Variants in CADM2 observed in about 807,000 individuals in gnomAD.
CADM2 encodes cell adhesion molecule 2, also known as immunoglobulin superfamily member 4D.
In CADM2, 12 loss-of-function variants were observed where a neutral mutation model predicts 49.8. The observed-to-expected ratio is 0.24, with a 90% CI of 0.15 to 0.39. The LOEUF is 0.39. Ranked by LOEUF, CADM2 falls within the 10% of genes least tolerant of loss-of-function variation. The pLI, the probability that CADM2 is intolerant of heterozygous loss-of-function variation, is 1.00. For synonymous variants in CADM2, 214 were observed against 175.4 expected (o/e 1.22, Z -1.74); for missense variants, 378 against 492.3 (o/e 0.77, Z 2.20).
intron 1 of CADM2, among the ~76,000 whole-genome samples, chr3:85,233,470 T>A (rs921649604): frequency 6.6e-6 from 1 of 152,104 alleles, no homozygotes; most frequent in Admixed American, 6.6e-5. Flanking sequence ...GGAAACTATG[T>A]GAGGGGAGGT....
intron 1 of CADM2, among the ~76,000 whole-genome samples, chr3:85,685,628 TTTTTTTTG>T (rs1289869472): frequency 6.8e-6 from 1 of 147,138 alleles, no homozygotes; most frequent in Non-Finnish European, 1.5e-5. Context: ...TTTTTTTTTT[TTTTTTTTG>T]TTTTTAAGAC....
intron 7 of CADM2, among the ~76,000 whole-genome samples, chr3:85,958,004 C>A (rs988975197): frequency 6.6e-6 from 1 of 151,928 alleles, no homozygotes; most frequent in African/African-American, 2.4e-5. Flanking sequence ...TCAGAGTGAA[C>A]AGGAAACCTA....
intron 1 of CADM2, among the ~76,000 whole-genome samples, chr3:84,977,664 T>G (rs2031907750): frequency 6.6e-6 from 1 of 152,078 alleles, no homozygotes; most frequent in Non-Finnish European, 1.5e-5. Context: ...TTACAAATTT[T>G]CAGATTTTCA....
chr3:85,129,987 A>G (rs907114559), intron 1 of CADM2, among the ~76,000 whole-genome samples: 1 of 152,236 alleles, frequency 6.6e-6, no homozygotes, highest in Non-Finnish European at 1.5e-5. Context: ...GGAACCATGT[A>G]TCAGAATGTA....
At chr3:85,621,722 G>C (rs999465716) in intron 1 of CADM2, among the ~76,000 whole-genome samples, 3 of 152,080 alleles carry the variant, frequency 2.0e-5, no homozygotes, top group Non-Finnish European at 4.4e-5. Flanking sequence ...CTGTGATTTG[G>C]ATAATGAACA....
At chr3:85,060,409 G>A (rs960966775) in intron 1 of CADM2, among the ~76,000 whole-genome samples, 5 of 152,120 alleles carry the variant, frequency 3.3e-5, no homozygotes, top group Admixed American at 2.0e-4. Context: ...TTACAGGTGT[G>A]AGCCATCACT....
At chr3:85,217,452 T>C (rs2041954343) in intron 1 of CADM2, among the ~76,000 whole-genome samples, 2 of 152,064 alleles carry the variant, frequency 1.3e-5, no homozygotes, top group Admixed American at 6.5e-5. Context: ...TTATGTTGCA[T>C]CTAATTAGAC....
rs1033223090 is a variant in CADM2, at chr3:85,484,213, T to G, written c.62-242309T>G. On this transcript the variant is annotated intron_variant, in intron 1 of 9. Coordinates refer to ENST00000383699, the MANE Select transcript of CADM2 (RefSeq NM_001167675.2). ...AATACCCTTTGAATGAATTCTTAGA[T>G]ATTACCGTCCACCTAACAGTGATCC... is the stretch of plus-strand genomic sequence containing the variant. Among the ~76,000 whole-genome samples the G allele has an allele frequency of 7.2e-5, 11 of 151,914 alleles. 1 individual carries two copies. Among genetic ancestry groups the G allele is most frequent in the Non-Finnish European group, 1.5e-5 (1 of 67,844 alleles).
chr3:85,544,558 C>CAGAT (rs1458631746), intron 1 of CADM2, among the ~76,000 whole-genome samples: 2 of 151,680 alleles, frequency 1.3e-5, no homozygotes, highest in African/African-American at 4.8e-5. Flanking sequence ...GCCTGGGCGA[C>CAGAT]AGATAAAGAC....
At position 85,603,303 on chromosome 3, in the gene CADM2, G is replaced by A. The variant is rs185104947; in HGVS notation, c.62-123219G>A. On this transcript the variant is annotated intron_variant, in intron 1 of 9. Transcript: ENST00000383699. ...CCATTGACAATTCTTTTTTTGAAGG[G>A]GAGAAGGGATACAGTTGGTAGTTCT... 5.8e-4 allele frequency among the ~76,000 whole-genome samples: 88 copies of A among 151,936 alleles called. 1 individual carries two copies. The South Asian group carries it at 0.011, about 19-fold the overall frequency.
At chr3:85,590,070 A>G (rs1406717110) in intron 1 of CADM2, among the ~76,000 whole-genome samples, 6 of 152,008 alleles carry the variant, frequency 3.9e-5, no homozygotes, top group Admixed American at 3.9e-4. Flanking sequence ...TTACATGGTA[A>G]TAAATATGCA....
chr3:86,060,654 A>G (rs961417189), intron 8 of CADM2, among the ~76,000 whole-genome samples: 1 of 152,200 alleles, frequency 6.6e-6, no homozygotes, highest in Non-Finnish European at 1.5e-5. Flanking sequence ...TAGCAGCATG[A>G]TAACAGACTA....
At chr3:85,623,289 C>A (rs567894084) in intron 1 of CADM2, among the ~76,000 whole-genome samples, 121 of 152,170 alleles carry the variant, frequency 8.0e-4, no homozygotes, top group African/African-American at 2.8e-3. Flanking sequence ...TGATAATCAC[C>A]TTGTTTATAT....
chr3:85,599,868 C>A (rs150360409), intron 1 of CADM2, among the ~76,000 whole-genome samples: 3 of 150,746 alleles, frequency 2.0e-5, no homozygotes, highest in African/African-American at 7.3e-5. Context: ...AAAGAATTAG[C>A]TAAATTTAAA....
intron 7 of CADM2, among the ~76,000 whole-genome samples, chr3:85,944,002 A>G (rs1051967871): frequency 1.3e-5 from 2 of 152,076 alleles, no homozygotes; most frequent in Admixed American, 1.3e-4. Flanking sequence ...GTCAAGACCT[A>G]TCAGTGTGCT....
intron 8 of CADM2, among the ~76,000 whole-genome samples, chr3:86,033,418 T>A (rs1247522687): frequency 6.6e-6 from 1 of 151,854 alleles, no homozygotes; most frequent in East Asian, 1.9e-4. Flanking sequence ...TTCCTCTCAA[T>A]TGTTGGATTA....
At chr3:85,041,011 A>G (rs1314187934) in intron 1 of CADM2, among the ~76,000 whole-genome samples, 1 of 152,140 alleles carries the variant, frequency 6.6e-6, no homozygotes, top group Non-Finnish European at 1.5e-5. Flanking sequence ...TTTTCTTGTA[A>G]TTAAATATCA....
chr3:85,228,186 G>A (rs899696565), intron 1 of CADM2, among the ~76,000 whole-genome samples: 1 of 152,026 alleles, frequency 6.6e-6, no homozygotes, highest in South Asian at 2.1e-4. Context: ...GCTAGGTTGG[G>A]TAAGTTCTCC....
chr3:85,898,208 G>A (rs914807356), intron 5 of CADM2, among the ~76,000 whole-genome samples: 1 of 152,080 alleles, frequency 6.6e-6, no homozygotes, highest in East Asian at 1.9e-4. Context: ...GTGTATATGA[G>A]TGGTTGAGTT....
Sources: allele counts gnomAD v4.1 joint callset (sites outside exome capture counted in the v4.1 genomes callset), GRCh38; gene constraint gnomAD v4.1.1; transcripts MANE v1.5; gene names NCBI Gene and HGNC (gene_info 2026-07-23, HGNC 2026-07-21).